Variants in SORL1 observed in about 807,000 individuals in gnomAD.
SORL1 encodes sortilin-related receptor.
Under a neutral mutation model 273.7 loss-of-function variants are expected in SORL1, and 127 were observed. The ratio of observed to expected loss-of-function variants is 0.46; its 90% CI spans 0.40 to 0.54. The LOEUF (loss-of-function observed/expected upper bound fraction) is 0.54. Among genes scored for constraint, SORL1 ranks in the 20% least tolerant of loss-of-function variants. The pLI, the probability that SORL1 is intolerant of heterozygous loss-of-function variation, is 0.00. For synonymous variants in SORL1, 1,031 were observed against 1,067.4 expected (o/e 0.97, Z 0.66); for missense variants, 2,494 against 2,846.1 (o/e 0.88, Z 2.81).
chr11:121,588,589 G>T (rs1240477150), intron 28 of SORL1, among the ~76,000 whole-genome samples: 1 of 152,170 alleles, frequency 6.6e-6, no homozygotes, highest in Non-Finnish European at 1.5e-5. Context: ...AGCTTTACAG[G>T]AGCAGGGGCT....
At chr11:121,471,071 A>G (rs1861160352) in intron 2 of SORL1, among the ~76,000 whole-genome samples, 1 of 152,150 alleles carries the variant, frequency 6.6e-6, no homozygotes, top group Admixed American at 6.5e-5. Flanking sequence ...AATATATGTC[A>G]TTTCCACTTT....
chr11:121,620,060 C>G, intron 43 of SORL1, 143 bp downstream of exon 43: 1 of 682,152 alleles, frequency 1.5e-6, no homozygotes, highest in South Asian at 1.8e-5. Context: ...CCATTTCAGT[C>G]TGACCAAAGA....
chr11:121,532,591 C>A, intron 12 of SORL1, 39 bp downstream of exon 12: 1 of 1,540,468 alleles, frequency 6.5e-7, no homozygotes, highest in Non-Finnish European at 9.0e-7. Flanking sequence ...ATCAAACTTT[C>A]TCCCAGAAAT....
chr11:121,506,352 G>A (rs905563359), intron 6 of SORL1, among the ~76,000 whole-genome samples: 1 of 152,168 alleles, frequency 6.6e-6, no homozygotes, highest in African/African-American at 2.4e-5. Context: ...TACAAAAAAG[G>A]TTTATAATGG....
At chr11:121,584,647 A>C (rs775345536) in intron 26 of SORL1, among the ~76,000 whole-genome samples, 1 of 151,730 alleles carries the variant, frequency 6.6e-6, no homozygotes, top group African/African-American at 2.4e-5. Flanking sequence ...GCTGGAGTAT[A>C]GTAGTATGAT....
chr11:121,486,972 G>A (rs1861483348), intron 3 of SORL1, among the ~76,000 whole-genome samples: 1 of 152,050 alleles, frequency 6.6e-6, no homozygotes, highest in South Asian at 2.1e-4. Flanking sequence ...AAATAAACAA[G>A]ACTCTCATCA....
intron 5 of SORL1, among the ~76,000 whole-genome samples, chr11:121,490,680 G>A (rs1861539151): frequency 6.8e-6 from 1 of 147,916 alleles, no homozygotes; most frequent in South Asian, 2.1e-4. Flanking sequence ...GGCAGAGGTT[G>A]CAGTGAGCCG....
chr11:121,514,455 C>T, intron 8 of SORL1, 134 bp downstream of exon 8: 1 of 824,186 alleles, frequency 1.2e-6, no homozygotes, highest in Non-Finnish European at 1.9e-6. Flanking sequence ...CGATGCCTGG[C>T]TCACGTGCGC....
rs754515497 is a variant in SORL1, at chr11:121,583,538, G to A, written c.3661G>A (p.Asp1221Asn). 1.2e-6 allele frequency: 2 copies of A among 1,612,868 alleles called. No homozygotes were observed. Among genetic ancestry groups the A allele is most frequent in the South Asian group, 1.1e-5 (1 of 90,936 alleles). ...CIPQRWACDG[D>N]TDCQDGSDED... is the part of the protein sequence containing the mutation. ...CCCCCAGCGGTGGGCGTGTGACGGGGATACGGACTGCCAGGATGGTTCCGA... is the reference window on the plus strand; with the variant it reads ...CCCCCAGCGGTGGGCGTGTGACGGGAATACGGACTGCCAGGATGGTTCCGA... The change falls in exon 26 of 48, where the codon GAT (aspartate) becomes AAT (asparagine). Residue 1221 changes from aspartate (D) to asparagine (N), a missense_variant. Asp to Asn is a conservative substitution (Grantham distance 23). Coordinates refer to ENST00000260197, the MANE Select transcript of SORL1 (RefSeq NM_003105.6).
chr11:121,526,879 T>A (rs1862131334), intron 11 of SORL1, among the ~76,000 whole-genome samples: 1 of 152,130 alleles, frequency 6.6e-6, no homozygotes, highest in Non-Finnish European at 1.5e-5. Context: ...AGTGACAGTT[T>A]TATTTCTTCC....
rs766332820 is a variant in SORL1, at chr11:121,605,385, A to AT, written c.4779-8dup. The AT allele has an allele frequency of 1.9e-4, 304 of 1,573,956 alleles. No individual in the cohort carries two copies. The highest frequency in any genetic ancestry group is 1.7e-3 in the South Asian group (146 of 87,762). On this transcript the variant is annotated splice_polypyrimidine_tract_variant and intron_variant, in intron 34 of 47. Coordinates refer to ENST00000260197, the MANE Select transcript of SORL1 (RefSeq NM_003105.6). ...GCTGCTCCAGTGTGACAATATCTTT[A>AT]TTTTTTTTTGGGCCAGGGTGGTTGG...
At chr11:121,529,855 T>G (rs1251647226) in intron 11 of SORL1, among the ~76,000 whole-genome samples, 1 of 152,228 alleles carries the variant, frequency 6.6e-6, no homozygotes, top group East Asian at 1.9e-4. Context: ...ATTTATTTTC[T>G]TTTCATTTCT....
intron 27 of SORL1, among the ~76,000 whole-genome samples, chr11:121,587,305 G>T (rs959642474): frequency 1.3e-5 from 2 of 152,182 alleles, no homozygotes; most frequent in African/African-American, 4.8e-5. Context: ...CAGCAGGCTG[G>T]AGACCCAGGG....
chr11:121,539,252 C>A (rs907304126), intron 12 of SORL1, among the ~76,000 whole-genome samples: 1 of 152,202 alleles, frequency 6.6e-6, no homozygotes, highest in Non-Finnish European at 1.5e-5. Flanking sequence ...TCAAGAATTA[C>A]CACGAGGAAA....
Position 121,612,669 on chromosome 11 carries a change from C to T in SORL1, c.5323-67C>T, listed in dbSNP as rs977563607. ...ACAGGAAAGAGGTGTATTTTTAATCCTGCCTTTTGTATTTAGTGTGCCCCA... is the reference window on the plus strand; with the variant it reads ...ACAGGAAAGAGGTGTATTTTTAATCTTGCCTTTTGTATTTAGTGTGCCCCA... On this transcript the variant is annotated intron_variant, in intron 39 of 47. Coordinates refer to ENST00000260197, the MANE Select transcript of SORL1 (RefSeq NM_003105.6). The T allele has an allele frequency of 4.4e-6, 5 of 1,148,348 alleles. No individual in the cohort carries two copies. The African/African-American group carries it at 6.1e-5, about 14-fold the overall frequency. The allele number at this position is 1,148,348 out of a possible 1,614,324, so 71.1% of individuals were successfully genotyped here. A position where few individuals can be genotyped will look rare whatever the true frequency, so the allele number is the denominator to read the frequency against.
intron 19 of SORL1, among the ~76,000 whole-genome samples, chr11:121,557,940 C>T (rs1862616010): frequency 6.6e-6 from 1 of 152,108 alleles, no homozygotes; most frequent in African/African-American, 2.4e-5. Context: ...AGAATTGGCA[C>T]AATTTTTTTC....
rs1211876535 is a variant in SORL1, at chr11:121,618,881, G to A, written c.5712G>A (p.Gln1904=). The A allele has an allele frequency of 1.9e-6, 3 of 1,614,170 alleles. No homozygotes were observed. The highest frequency in any genetic ancestry group is 2.5e-6 in the Non-Finnish European group (3 of 1,180,002). Residue 1904 remains glutamine, a synonymous_variant, in exon 42 of 48, where the codon CAG becomes CAA. Transcript: ENST00000260197. ...CGGTCATTGTCAGTAAGGATGAGCAGTATTTGTTTCTGGTAAGTTTCCCAT... is the reference window on the plus strand; with the variant it reads ...CGGTCATTGTCAGTAAGGATGAGCAATATTTGTTTCTGGTAAGTTTCCCAT... ...NKTVIVSKDE[Q]YLFLVRVVVP... is the part of the protein sequence containing the mutation.
intron 29 of SORL1, 77 bp from the exon 30 acceptor site, chr11:121,589,963 G>A: frequency 1.3e-6 from 2 of 1,549,494 alleles, no homozygotes; most frequent in South Asian, 2.4e-5. Context: ...TGGGTCTGGA[G>A]GAGGATGCCT....
intron 4 of SORL1, among the ~76,000 whole-genome samples, chr11:121,488,656 G>A (rs1455405034): frequency 2.0e-5 from 3 of 152,038 alleles, no homozygotes; most frequent in Admixed American, 1.3e-4. Context: ...GTCTTCCTTC[G>A]AGTGCGTGCG....
Sources: gnomAD v4.1 joint callset for allele counts (sites outside exome capture counted in the v4.1 genomes callset) on GRCh38, gnomAD v4.1.1 for gene constraint, MANE v1.5 for transcripts, NCBI Gene and HGNC (gene_info 2026-07-23, HGNC 2026-07-21) for gene names.